KSR2: variants seen among roughly 807,000 people sequenced by gnomAD.
The protein encoded by KSR2 is kinase suppressor of ras 2.
In KSR2, 25 loss-of-function variants were observed where a neutral mutation model predicts 107.8. That is an observed-to-expected ratio of 0.23 (90% CI 0.17 to 0.32). The LOEUF is 0.32. KSR2 is among the 10% of genes least tolerant of loss of function. KSR2 has a pLI of 1.00. For missense variants in KSR2, 887 were observed against 1,268.9 expected, an observed-to-expected ratio of 0.70 and a Z score of 4.57; for synonymous variants, 480 against 507.0, an observed-to-expected ratio of 0.95 and a Z score of 0.71.
chr12:117,919,713 A>G (rs1176555594), intron 1 of KSR2, among the ~76,000 whole-genome samples: 1 of 152,248 alleles, frequency 6.6e-6, no homozygotes, highest in Non-Finnish European at 1.5e-5. Flanking sequence ...GACACATGCC[A>G]CATCCAAGAG....
In KSR2 at chr12:117,462,897, G is replaced by C. The variant is rs1192097403; in HGVS notation, c.*4302C>G. The stretch of plus-strand genomic sequence containing the variant: ...AAGATTGTTGTCTTTATCAGAAGAG[G>C]AGGAGATACTGGGGATGTGCAGTCA... On this transcript the variant is annotated 3_prime_UTR_variant, in exon 20 of 20. Transcript: ENST00000339824. The C allele has an allele frequency of 2.6e-5, 4 of 152,206 alleles. No homozygotes were observed. The highest frequency in any genetic ancestry group is 1.3e-4 in the Admixed American group (2 of 15,284). The allele number at this position is 152,206 out of a possible 1,614,324, so 9.4% of individuals were successfully genotyped here.
intron 4 of KSR2, among the ~76,000 whole-genome samples, chr12:117,682,394 T>A (rs143130110): frequency 6.6e-6 from 1 of 152,090 alleles, no homozygotes; most frequent in Non-Finnish European, 1.5e-5. Context: ...CAAACCTGCA[T>A]GTCCTGCACA....
chr12:117,504,035 C>T (rs1592934724), intron 14 of KSR2, among the ~76,000 whole-genome samples: 1 of 152,040 alleles, frequency 6.6e-6, no homozygotes, highest in East Asian at 1.9e-4. Flanking sequence ...AACCAACAGG[C>T]AAATGGGAAT....
chr12:117,881,490 G>C (rs1035499784), intron 1 of KSR2, among the ~76,000 whole-genome samples: 5 of 152,190 alleles, frequency 3.3e-5, no homozygotes, highest in Admixed American at 2.0e-4. Context: ...GTCCCACCAA[G>C]TCTGTGCTAT....
chr12:117,795,752 C>A (rs1419399243), intron 3 of KSR2, among the ~76,000 whole-genome samples: 1 of 152,074 alleles, frequency 6.6e-6, no homozygotes, highest in Non-Finnish European at 1.5e-5. Flanking sequence ...CCTCAACCTC[C>A]CGAGTAGGTG....
intron 5 of KSR2, among the ~76,000 whole-genome samples, chr12:117,616,005 T>G (rs1283742785): frequency 6.6e-6 from 1 of 151,844 alleles, no homozygotes; most frequent in African/African-American, 2.4e-5. Context: ...AACACAAAAC[T>G]TAGCTAGGTG....
intron 14 of KSR2, among the ~76,000 whole-genome samples, chr12:117,515,965 A>G (rs1375340409): frequency 6.6e-6 from 1 of 152,218 alleles, no homozygotes; most frequent in East Asian, 1.9e-4. Flanking sequence ...AGGAGGAGAC[A>G]GAGATGGGAG....
At chr12:117,599,884 C>A (rs557525581) in intron 5 of KSR2, among the ~76,000 whole-genome samples, 1 of 152,092 alleles carries the variant, frequency 6.6e-6, no homozygotes, top group Non-Finnish European at 1.5e-5. Flanking sequence ...CGGAAGGAGA[C>A]GGGGAACAAG....
chr12:117,561,333 A>T (rs1022330139), intron 7 of KSR2, among the ~76,000 whole-genome samples: 3 of 152,224 alleles, frequency 2.0e-5, no homozygotes, highest in African/African-American at 7.2e-5. Context: ...TGTCATAAAG[A>T]CTGTAGGACA....
At chr12:117,926,269 A>G (rs1445576686) in intron 1 of KSR2, among the ~76,000 whole-genome samples, 4 of 152,190 alleles carry the variant, frequency 2.6e-5, no homozygotes, top group Non-Finnish European at 4.4e-5. Flanking sequence ...TTGGTTTTCT[A>G]CTTAGTGAAC....
intron 1 of KSR2, among the ~76,000 whole-genome samples, chr12:117,966,553 A>T (rs2137625690): frequency 6.6e-6 from 1 of 152,020 alleles, no homozygotes; most frequent in East Asian, 1.9e-4. Flanking sequence ...TCCAGATGAC[A>T]GGTGCACACA....
At chr12:117,711,872 T>C (rs183739859) in intron 4 of KSR2, among the ~76,000 whole-genome samples, 2 of 152,250 alleles carry the variant, frequency 1.3e-5, no homozygotes, top group South Asian at 2.1e-4. Flanking sequence ...GGTTGTGCCA[T>C]GAAGAGTTGC....
chr12:117,535,388 C>A (rs1175245765), intron 10 of KSR2, among the ~76,000 whole-genome samples: 1 of 152,090 alleles, frequency 6.6e-6, no homozygotes, highest in Non-Finnish European at 1.5e-5. Flanking sequence ...AGGAGACAGA[C>A]ACTTAACAAG....
intron 4 of KSR2, among the ~76,000 whole-genome samples, chr12:117,756,434 C>G (rs1428641250): frequency 6.6e-6 from 1 of 152,224 alleles, no homozygotes; most frequent in Non-Finnish European, 1.5e-5. Context: ...ATAAATGGAA[C>G]AGCAAAGCCT....
Position 117,558,627 on chromosome 12 carries a change from G to A in KSR2, c.1326-54C>T, listed in dbSNP as rs534985407. ...GATAGGTGAATGGCTGAGTGAGCGG[G>A]TAGGTGGGTGGGTGGATGAATGGAT... On this transcript the variant is annotated intron_variant, in intron 7 of 19. Transcript: ENST00000339824. 1.1e-5 allele frequency: 16 copies of A among 1,394,202 alleles called. No homozygotes were observed. The African/African-American group carries it at 1.7e-4, about 15-fold the overall frequency. The allele number at this position is 1,394,202 out of a possible 1,614,324, so 86.4% of individuals were successfully genotyped here.
At chr12:117,755,036 GA>G (rs1286453733) in intron 4 of KSR2, among the ~76,000 whole-genome samples, 11 of 152,190 alleles carry the variant, frequency 7.2e-5, no homozygotes, top group African/African-American at 2.7e-4. Context: ...AAGGAGAGAA[GA>G]AACCAGACAT....
At chr12:117,549,349 C>T (rs1877118269) in intron 9 of KSR2, among the ~76,000 whole-genome samples, 1 of 152,154 alleles carries the variant, frequency 6.6e-6, no homozygotes, top group South Asian at 2.1e-4. Context: ...CATCTATCCA[C>T]CCTCCCAAGC....
intron 5 of KSR2, among the ~76,000 whole-genome samples, chr12:117,658,344 C>T (rs940375979): frequency 1.1e-4 from 17 of 152,082 alleles, no homozygotes; most frequent in African/African-American, 3.9e-4. Context: ...GAAACTATTG[C>T]ATAGTTTGGA....
intron 14 of KSR2, among the ~76,000 whole-genome samples, chr12:117,499,955 G>A (rs1253744246): frequency 6.6e-6 from 1 of 152,164 alleles, no homozygotes; most frequent in Non-Finnish European, 1.5e-5. Flanking sequence ...GGGGTGGAGT[G>A]TGTGGGGCAT....
Sources: allele counts gnomAD v4.1 joint callset (sites outside exome capture counted in the v4.1 genomes callset), GRCh38; gene constraint gnomAD v4.1.1; transcripts MANE v1.5; gene names NCBI Gene and HGNC (gene_info 2026-07-23, HGNC 2026-07-21).